Variants in MDN1 observed in about 807,000 individuals in gnomAD.
MDN1 encodes midasin.
A neutral mutation model predicts 669.2 loss-of-function variants in MDN1; 266 were observed. The observed-to-expected ratio is 0.40, with a 90% CI of 0.36 to 0.44. MDN1 has a LOEUF of 0.44. MDN1 is among the 20% of genes least tolerant of loss of function. MDN1 has a pLI of 1.00. For synonymous variants in MDN1, 2,385 were observed against 2,457.1 expected (o/e 0.97, Z 0.87); for missense variants, 5,940 against 6,754.0 (o/e 0.88, Z 4.22).
At position 89,701,867 on chromosome 6, in the gene MDN1, T is replaced by C. The variant is rs184764385; in HGVS notation, c.8306+37A>G. On this transcript the variant is annotated intron_variant, in intron 54 of 101. Transcript: ENST00000369393. ...AAATCTTATCCTTAACATCTATCTG[T>C]AATCATTGACATTATTACTCTAAAT... 1.4e-5 allele frequency: 23 copies of C among 1,589,890 alleles called. No individual in the cohort carries two copies. In the Admixed American group the frequency reaches 4.2e-4, roughly 29 times the overall value.
intron 35 of MDN1, among the ~76,000 whole-genome samples, chr6:89,730,234 T>C (rs1467279014): frequency 6.6e-6 from 1 of 152,170 alleles, no homozygotes; most frequent in Non-Finnish European, 1.5e-5. Context: ...CACTCATCCA[T>C]CAGAAATTTT....
intron 26 of MDN1, 27 bp from the exon 27 acceptor site, chr6:89,747,497 AGG>A (rs1177615790): frequency 1.2e-6 from 2 of 1,603,348 alleles, no homozygotes; most frequent in East Asian, 4.5e-5. Context: ...ACAAATGAAA[AGG>A]GGCATCAGCT....
intron 15 of MDN1, among the ~76,000 whole-genome samples, chr6:89,764,130 C>T (rs1386228596): frequency 6.6e-6 from 1 of 152,122 alleles, no homozygotes; most frequent in Non-Finnish European, 1.5e-5. Flanking sequence ...AAAGAAGGAT[C>T]ACTTGAGCAC....
At chr6:89,708,847 T>C (rs1813692917) in intron 50 of MDN1, among the ~76,000 whole-genome samples, 1 of 152,122 alleles carries the variant, frequency 6.6e-6, no homozygotes, top group African/African-American at 2.4e-5. Flanking sequence ...AAAGTATCTG[T>C]ATGTCCTGAA....
At chr6:89,805,549 C>G (rs943292861) in intron 1 of MDN1, among the ~76,000 whole-genome samples, 56 of 152,076 alleles carry the variant, frequency 3.7e-4, no homozygotes, top group African/African-American at 1.3e-3. Flanking sequence ...TGTCTCCCCC[C>G]ACAACAAAAA....
Position 89,688,579 on chromosome 6 carries a change from A to C in MDN1, c.11253T>G (p.Leu3751=), listed in dbSNP as rs771464486. The C allele has an allele frequency of 3.1e-6, 5 of 1,613,346 alleles. No homozygotes were observed. The African/African-American group carries it at 6.7e-5, about 22-fold the overall frequency. ...TCCTCAACAGCTGCCCTACCTGTTC[A>C]AGCGCTGGGTGTTCTGGCCAGTCCT... ...LLQDWPEHPA[L]EQLLVVMDRI... The change falls in exon 66 of 102, where the codon CTT becomes CTG. Residue 3751 remains leucine, a synonymous_variant. Transcript: ENST00000369393.
chr6:89,795,662 T>C (rs1013723152), intron 2 of MDN1, among the ~76,000 whole-genome samples: 5 of 151,810 alleles, frequency 3.3e-5, no homozygotes, highest in Non-Finnish European at 7.4e-5. Context: ...AAATCAGAAA[T>C]AAAAGACAGG....
intron 59 of MDN1, among the ~76,000 whole-genome samples, chr6:89,698,508 T>C (rs572130380): frequency 6.6e-6 from 1 of 152,334 alleles, no homozygotes; most frequent in Admixed American, 6.5e-5. Flanking sequence ...ATGTATTTAA[T>C]ATAAAAATAT....
intron 79 of MDN1, 65 bp downstream of exon 79, chr6:89,674,039 C>T: frequency 1.3e-6 from 2 of 1,570,698 alleles, no homozygotes; most frequent in Non-Finnish European, 1.7e-6. Flanking sequence ...TTCCCACCCC[C>T]AATTTAGATA....
chr6:89,712,791 T>A lies in MDN1; in HGVS notation c.7219-5A>T. 6.2e-7 allele frequency: 1 copy of A among 1,613,416 alleles called. No homozygotes were observed. Among genetic ancestry groups the A allele is most frequent in the Non-Finnish European group, 8.5e-7 (1 of 1,179,404 alleles). ...CTCCAGTAAAGCCTGTACAAGCTGG[T>A]AGGAGACAAAAACACAATACAGTGG... On this transcript the variant is annotated splice_polypyrimidine_tract_variant and splice_region_variant and intron_variant, in intron 47 of 101. Transcript: ENST00000369393.
chr6:89,761,518 G>T (rs1584331981), intron 17 of MDN1, 127 bp downstream of exon 17: 1 of 552,282 alleles, frequency 1.8e-6, no homozygotes, highest in Non-Finnish European at 3.1e-6. Flanking sequence ...TACCATGAAG[G>T]ACACTTTTCA....
intron 15 of MDN1, among the ~76,000 whole-genome samples, chr6:89,769,529 C>T (rs766042609): frequency 2.0e-5 from 3 of 152,124 alleles, no homozygotes; most frequent in Admixed American, 6.6e-5. Context: ...CAGGGTCTTG[C>T]TTTGTCATCC....
chr6:89,812,992 G>C (rs529578135), intron 1 of MDN1, among the ~76,000 whole-genome samples: 167 of 151,994 alleles, frequency 1.1e-3, no homozygotes, highest in African/African-American at 3.8e-3. Flanking sequence ...CCAGGCTGGA[G>C]TGCAATGGCG....
At chr6:89,650,276 A>G (rs1808759258) in intron 96 of MDN1, 78 bp from the exon 97 acceptor site, 2 of 1,346,340 alleles carry the variant, frequency 1.5e-6, no homozygotes, top group African/African-American at 2.9e-5. Flanking sequence ...AAAAATCACA[A>G]TAATACCTTA....
intron 2 of MDN1, among the ~76,000 whole-genome samples, chr6:89,800,001 G>C (rs1378862904): frequency 6.6e-6 from 1 of 152,054 alleles, no homozygotes; most frequent in Non-Finnish European, 1.5e-5. Context: ...AACCAACCAA[G>C]TGATAATAAA....
At chr6:89,673,006 T>C (rs909341798) in intron 80 of MDN1, among the ~76,000 whole-genome samples, 2 of 152,212 alleles carry the variant, frequency 1.3e-5, no homozygotes, top group African/African-American at 4.8e-5. Context: ...AAACAGACAG[T>C]GAGCTGATGC....
intron 76 of MDN1, 76 bp downstream of exon 76, chr6:89,677,494 G>T: frequency 1.3e-6 from 2 of 1,571,366 alleles, no homozygotes; most frequent in Admixed American, 1.8e-5. Context: ...TTTGCAATGT[G>T]CAAATGAGGA....
rs1814035154 is a variant in MDN1, at chr6:89,712,754, A to C, written c.7251T>G (p.Ser2417=). The C allele has an allele frequency of 1.9e-6, 3 of 1,614,110 alleles. No homozygotes were observed. The African/African-American group carries it at 4.0e-5, about 22-fold the overall frequency. ...LVQALLEKHV[S]SLRAHETWGD... is the part of the protein sequence containing the mutation. ...CCCAGGTTTCATGTGCTCGCAAAGAAGAAACATGTTTCTCCAGTAAAGCCT... is the reference window on the plus strand; with the variant it reads ...CCCAGGTTTCATGTGCTCGCAAAGACGAAACATGTTTCTCCAGTAAAGCCT... Residue 2417 remains serine, a synonymous_variant, in exon 48 of 102, where the codon TCT becomes TCG. Transcript: ENST00000369393.
At chr6:89,701,508 CAGA>C (rs756823044) in intron 55 of MDN1, 47 bp downstream of exon 55, 101 of 1,603,534 alleles carry the variant, frequency 6.3e-5, no homozygotes, top group Admixed American at 8.6e-5. Flanking sequence ...AAAAGGACTT[CAGA>C]AGTAGTAGTC....
Sources: gnomAD v4.1 joint callset for allele counts (sites outside exome capture counted in the v4.1 genomes callset) on GRCh38, gnomAD v4.1.1 for gene constraint, MANE v1.5 for transcripts, NCBI Gene and HGNC (gene_info 2026-07-23, HGNC 2026-07-21) for gene names.